SNX29: variants seen among roughly 807,000 people sequenced by gnomAD.
SNX29 encodes sorting nexin 29.
A neutral mutation model predicts 102.1 loss-of-function variants in SNX29; 78 were observed. The ratio of observed to expected loss-of-function variants is 0.76; its 90% CI spans 0.64 to 0.92. The LOEUF is 0.92. Among genes scored for constraint, SNX29 ranks in the 40% least tolerant of loss-of-function variants. The pLI, the probability that SNX29 is intolerant of heterozygous loss-of-function variation, is 0.00. For synonymous variants in SNX29, 580 were observed against 414.5 expected (o/e 1.40, Z -4.85); for missense variants, 1,280 against 1,061.7 (o/e 1.21, Z -2.86).
At chr16:12,544,281 C>G (rs540878462) in intron 20 of SNX29, among the ~76,000 whole-genome samples, 15 of 152,288 alleles carry the variant, frequency 9.8e-5, no homozygotes, top group Admixed American at 9.1e-4. Flanking sequence ...TTTACACTCT[C>G]AGTACGGCAT....
chr16:12,312,912 G>A (rs991438886), intron 15 of SNX29, among the ~76,000 whole-genome samples: 1 of 152,154 alleles, frequency 6.6e-6, no homozygotes, highest in South Asian at 2.1e-4. Flanking sequence ...ACAGAAGGCT[G>A]TGTGGCTTGC....
intron 18 of SNX29, among the ~76,000 whole-genome samples, chr16:12,447,301 G>C (rs1158841210): frequency 6.6e-6 from 1 of 151,556 alleles, no homozygotes; most frequent in African/African-American, 2.4e-5. Context: ...ATGAGCTTTG[G>C]GCACCTTTCT....
At chr16:12,380,650 C>T (rs2083060487) in intron 16 of SNX29, among the ~76,000 whole-genome samples, 1 of 106,392 alleles carries the variant, frequency 9.4e-6, no homozygotes, top group African/African-American at 4.8e-5. Context: ...CATCCACCCA[C>T]CATCCATCCA....
Position 12,244,003 on chromosome 16 carries a change from A to T in SNX29, c.1679-33930A>T, listed in dbSNP as rs541666342. ...TGGTGGGGGTGGTGGTTTCAAGATAAAACTGTTCCACCTCAGATCATCAGG... is the reference window on the plus strand; with the variant it reads ...TGGTGGGGGTGGTGGTTTCAAGATATAACTGTTCCACCTCAGATCATCAGG... On this transcript the variant is annotated intron_variant, in intron 14 of 20. Transcript: ENST00000566228. 9.2e-5 allele frequency among the ~76,000 whole-genome samples: 14 copies of T among 152,300 alleles called. No individual in the cohort carries two copies. The East Asian group carries it at 1.7e-3, about 19-fold the overall frequency.
intron 14 of SNX29, among the ~76,000 whole-genome samples, chr16:12,210,938 C>T (rs1402630191): frequency 6.6e-6 from 1 of 152,158 alleles, no homozygotes; most frequent in African/African-American, 2.4e-5. Context: ...GCCTTCTGGG[C>T]ACTGTTTTCA....
At chr16:12,531,340 C>T (rs1341586665) in intron 20 of SNX29, among the ~76,000 whole-genome samples, 2 of 152,226 alleles carry the variant, frequency 1.3e-5, no homozygotes, top group East Asian at 1.9e-4. Context: ...CAGGGCTGTG[C>T]TTTCCGAAGA....
At chr16:12,501,024 C>A (rs765063508) in intron 19 of SNX29, among the ~76,000 whole-genome samples, 4 of 152,054 alleles carry the variant, frequency 2.6e-5, no homozygotes, top group Non-Finnish European at 5.9e-5. Flanking sequence ...GCTGTGTTGC[C>A]CTCTCAGGAT....
chr16:12,266,182 C>G (rs1207336876), intron 14 of SNX29, among the ~76,000 whole-genome samples: 2 of 152,168 alleles, frequency 1.3e-5, no homozygotes, highest in Non-Finnish European at 2.9e-5. Context: ...GCCTCAGCCT[C>G]CCAAAGTGCT....
intron 14 of SNX29, among the ~76,000 whole-genome samples, chr16:12,221,247 G>A (rs2142112952): frequency 6.6e-6 from 1 of 152,214 alleles, no homozygotes; most frequent in Middle Eastern, 3.4e-3. Context: ...GGAGGGTGGG[G>A]GCAGAAAGCC....
chr16:12,454,086 A>T (rs2086426536), intron 18 of SNX29, among the ~76,000 whole-genome samples: 2 of 152,178 alleles, frequency 1.3e-5, no homozygotes. Context: ...CCAGTAAGAT[A>T]TAGGTAGATG....
At chr16:12,496,542 GCT>G (rs1394104310) in intron 19 of SNX29, among the ~76,000 whole-genome samples, 4 of 122,836 alleles carry the variant, frequency 3.3e-5, no homozygotes, top group African/African-American at 1.4e-4. Flanking sequence ...ACCTAGTCTT[GCT>G]CTGTTTCCCA....
intron 19 of SNX29, among the ~76,000 whole-genome samples, chr16:12,485,626 G>A (rs149679834): frequency 6.6e-6 from 1 of 152,332 alleles, no homozygotes; most frequent in Non-Finnish European, 1.5e-5. Flanking sequence ...AGAGGTGGGA[G>A]CGAGTGGACC....
intron 20 of SNX29, among the ~76,000 whole-genome samples, chr16:12,544,484 G>A (rs1011457335): frequency 1.3e-4 from 20 of 152,078 alleles, no homozygotes; most frequent in African/African-American, 4.8e-4. Context: ...TTTATGATTG[G>A]GGTCGGCTGG....
intron 14 of SNX29, among the ~76,000 whole-genome samples, chr16:12,230,399 G>C (rs1303861100): frequency 1.3e-5 from 2 of 152,196 alleles, no homozygotes; most frequent in Non-Finnish European, 2.9e-5. Flanking sequence ...ACCTGCAGTA[G>C]TACTGAGGAA....
chr16:12,377,698 T>G (rs2082929010), intron 16 of SNX29, among the ~76,000 whole-genome samples: 1 of 152,144 alleles, frequency 6.6e-6, no homozygotes, highest in Non-Finnish European at 1.5e-5. Context: ...TGATGCTGAT[T>G]AGAGAACTAA....
intron 3 of SNX29, 92 bp downstream of exon 3, chr16:12,003,135 G>A: frequency 6.5e-7 from 1 of 1,528,158 alleles, no homozygotes; most frequent in Non-Finnish European, 9.1e-7. Flanking sequence ...ATCGAGGTTG[G>A]AAAGGCGGCA....
intron 13 of SNX29, among the ~76,000 whole-genome samples, chr16:12,135,927 A>C (rs570635740): frequency 6.6e-6 from 1 of 152,194 alleles, no homozygotes; most frequent in Non-Finnish European, 1.5e-5. Flanking sequence ...TGGTGGAGAA[A>C]GTGTTCCTCG....
intron 13 of SNX29, among the ~76,000 whole-genome samples, chr16:12,140,244 C>T (rs1440245967): frequency 6.6e-6 from 1 of 152,194 alleles, no homozygotes; most frequent in African/African-American, 2.4e-5. Flanking sequence ...TAACTCTTCT[C>T]TTGTGGTGAC....
rs189790858 is a variant in SNX29, at chr16:12,286,356, T to C, written c.1782+8320T>C. ...TAAACCTCCAAGGATTTTTTTTTTT[T>C]TTTTTTTGAGATGGAGCTTTGCTGT... On this transcript the variant is annotated intron_variant, in intron 15 of 20. Coordinates refer to ENST00000566228, the MANE Select transcript of SNX29 (RefSeq NM_032167.5). Among the ~76,000 whole-genome samples the C allele has an allele frequency of 2.6e-3, 388 of 151,434 alleles. 2 individuals are homozygous for C. Among genetic ancestry groups the C allele is most frequent in the African/African-American group, 8.6e-3 (356 of 41,256 alleles).
Sources: gnomAD v4.1 joint callset for allele counts (sites outside exome capture counted in the v4.1 genomes callset) on GRCh38, gnomAD v4.1.1 for gene constraint, MANE v1.5 for transcripts, NCBI Gene and HGNC (gene_info 2026-07-23, HGNC 2026-07-21) for gene names.